The following PCDHGB1 variants were observed in gnomAD, a reference collection of about 807,000 sequenced individuals.
PCDHGB1 encodes the protein protocadherin gamma-B1.
A neutral mutation model predicts 56.6 loss-of-function variants in PCDHGB1; 34 were observed. The ratio of observed to expected loss-of-function variants is 0.60; its 90% confidence interval spans 0.46 to 0.80. The LOEUF (loss-of-function observed/expected upper bound fraction) is 0.80. Ranked by LOEUF, PCDHGB1 falls within the 30% of genes least tolerant of loss-of-function variation. The probability of loss-of-function intolerance (pLI) is 0.00; values close to 1 mark genes in which losing one functional copy is unlikely to be tolerated. For synonymous variants in PCDHGB1, 561 were observed against 505.9 expected (o/e 1.11, Z -1.46); for missense variants, 1,278 against 1,204.6 (o/e 1.06, Z -0.90).
rs760070878 is a variant in PCDHGB1, at chr5:141,490,862, C to T, written c.2410-3945C>T. On this transcript the variant is annotated intron_variant, in intron 1 of 3. Coordinates refer to ENST00000523390, the MANE Select transcript of PCDHGB1 (RefSeq NM_018922.3). This position sits in a 1 kb window ranked among gnomAD's most constrained non-coding sequence, Gnocchi z 5.4. ...GTGGTGGGGGTTCGAGACTCCGGCTCTCCCCCATTGCATGCCAACACATCT... is the reference window on the plus strand; with the variant it reads ...GTGGTGGGGGTTCGAGACTCCGGCTTTCCCCCATTGCATGCCAACACATCT... 2.0e-5 allele frequency: 33 copies of T among 1,613,878 alleles called. No individual in the cohort carries two copies. Among genetic ancestry groups the T allele is most frequent in the Non-Finnish European group, 2.8e-5 (33 of 1,179,920 alleles).
intron 1 of PCDHGB1, chr5:141,374,176 C>A: frequency 6.2e-7 from 1 of 1,613,572 alleles, no homozygotes. Context: ...CAGCGCAGAT[C>A]CGCTACTCTA....
At position 141,413,788 on chromosome 5, in the gene PCDHGB1, G is replaced by A. The variant is rs2095678300; in HGVS notation, c.2409+61119G>A. The A allele has an allele frequency of 2.1e-5, 34 of 1,613,166 alleles. No individual in the cohort carries two copies. Among genetic ancestry groups the A allele is most frequent in the Non-Finnish European group, 2.8e-5 (33 of 1,179,876 alleles). ...GGAGCTGGTACTGGAGCACTCCCTA[G>A]ATCGCGAGGAAGAGGCCATTCACCA... is the stretch of plus-strand genomic sequence containing the variant. On this transcript the variant is annotated intron_variant, in intron 1 of 3. Coordinates refer to ENST00000523390, the MANE Select transcript of PCDHGB1 (RefSeq NM_018922.3).
At chr5:141,420,284 TA>T in intron 1 of PCDHGB1, 2 of 1,505,934 alleles carry the variant, frequency 1.3e-6, no homozygotes, top group East Asian at 2.3e-5. Context: ...GGTAAGTATT[TA>T]AAAATGTATT....
At chr5:141,504,206 A>G (rs1209911822) in intron 2 of PCDHGB1, among the ~76,000 whole-genome samples, 1 of 152,218 alleles carries the variant, frequency 6.6e-6, no homozygotes, top group African/African-American at 2.4e-5. Flanking sequence ...CTGTGGGAAA[A>G]TTCCAAGTAG....
chr5:141,450,903 C>T (rs1468232105), intron 1 of PCDHGB1, among the ~76,000 whole-genome samples: 3 of 151,086 alleles, frequency 2.0e-5, no homozygotes, highest in African/African-American at 7.3e-5. Context: ...CGGCTCACTG[C>T]AACCGCTGCC....
intron 1 of PCDHGB1, chr5:141,468,556 GAT>G (rs754546771): frequency 6.6e-6 from 1 of 151,930 alleles, no homozygotes; most frequent in Non-Finnish European, 1.5e-5. Flanking sequence ...TAACATTTGT[GAT>G]ATAGTAAACA....
intron 1 of PCDHGB1, chr5:141,398,960 C>A (rs779158655): frequency 3.1e-6 from 5 of 1,613,986 alleles, no homozygotes. Flanking sequence ...TCAGAAATTA[C>A]TTATTCCTTC....
intron 2 of PCDHGB1, among the ~76,000 whole-genome samples, chr5:141,502,866 C>CTCTTTTTT (rs1554188502): frequency 2.3e-5 from 3 of 128,046 alleles, no homozygotes; most frequent in Non-Finnish European, 3.2e-5. Flanking sequence ...GACTCTCTGT[C>CTCTTTTTT]TTTTTTTTTT....
rs761590469 is a variant in PCDHGB1, at chr5:141,364,617, G to A, written c.2409+11948G>A. 3.1e-6 allele frequency: 5 copies of A among 1,614,158 alleles called. No individual in the cohort carries two copies. The Admixed American group carries it at 8.3e-5, about 27-fold the overall frequency. The stretch of plus-strand genomic sequence containing the variant: ...GGCAGGATAGACCGGGAGGAGCTCT[G>A]CGCTCAGAGCCCACTGTGTGTGGTG... On this transcript the variant is annotated intron_variant, in intron 1 of 3. Coordinates refer to ENST00000523390, the MANE Select transcript of PCDHGB1 (RefSeq NM_018922.3).
Position 141,350,458 on chromosome 5 carries a change from T to TAG in PCDHGB1, c.199_200dup (p.Ser67ArgfsTer17). The TAG allele has an allele frequency of 1.9e-6, 3 of 1,613,374 alleles. No homozygotes were observed. Among genetic ancestry groups the TAG allele is most frequent in the Non-Finnish European group, 2.5e-6 (3 of 1,179,340 alleles). On this transcript the variant is annotated frameshift_variant, in exon 1 of 4. Transcript: ENST00000523390. LOFTEE classifies it high-confidence loss of function. ...AGTTGCCAACTCGAAAACTGCGGGTTAGTGCAGAGGATTATTTCAACGTTA... is the reference window on the plus strand; with the variant it reads ...AGTTGCCAACTCGAAAACTGCGGGTTAGAGTGCAGAGGATTATTTCAACGTTA...
At chr5:141,371,238 A>G in intron 1 of PCDHGB1, 1 of 1,614,058 alleles carries the variant, frequency 6.2e-7, no homozygotes, top group Non-Finnish European at 8.5e-7. Flanking sequence ...CTATGCCTTC[A>G]TCAATATTGG....
chr5:141,408,043 A>G, intron 1 of PCDHGB1: 1 of 1,220,238 alleles, frequency 8.2e-7, no homozygotes, highest in Non-Finnish European at 1.1e-6. Context: ...ACCAGCTCCC[A>G]CACAGAGCCT....
chr5:141,366,544 G>A (rs368873957), intron 1 of PCDHGB1: 4 of 1,614,230 alleles, frequency 2.5e-6, no homozygotes, highest in Admixed American at 1.7e-5. Flanking sequence ...TGCCCGCCTC[G>A]CACTTTGTGG....
rs1442570663 is a variant in PCDHGB1, at chr5:141,438,613, TATATATATATATATATATATATACACAC to T, written c.2410-56192_2410-56165del. On this transcript the variant is annotated intron_variant, in intron 1 of 3. Transcript: ENST00000523390. Reference sequence around the variant, plus strand: ...ATACATATATATATATATATATATATATATATATATATATATATATATACACACACACACACACATATATGTATATATA... The same window carrying T: ...ATACATATATATATATATATATATATACACACACACATATATGTATATATA... Among the ~76,000 whole-genome samples, 243 of 36,492 alleles carry T rather than the reference TATATATATATATATATATATATACACAC, an allele frequency of 6.7e-3. 7 individuals are homozygous for T. The highest frequency in any genetic ancestry group is 0.033 in the East Asian group (37 of 1,124). The allele number at this position is 36,492 out of a possible 152,430, so 23.9% of individuals were successfully genotyped here.
intron 1 of PCDHGB1, chr5:141,354,950 C>A: frequency 2.3e-6 from 1 of 428,008 alleles, no homozygotes; most frequent in East Asian, 3.5e-5. Flanking sequence ...GAATAAATTG[C>A]AGTAACAGGT....
chr5:141,422,877 C>A, intron 1 of PCDHGB1: 1 of 1,614,246 alleles, frequency 6.2e-7, no homozygotes. Context: ...TGTCGCTGAG[C>A]CTGTTCGTGC....
chr5:141,412,664 A>G (rs959517920), intron 1 of PCDHGB1: 10 of 152,288 alleles, frequency 6.6e-5, no homozygotes, highest in African/African-American at 2.4e-4. Flanking sequence ...AGACACTAAT[A>G]TGACCTAAAA....
In PCDHGB1 at chr5:141,431,202, C is replaced by T. The variant is rs2097350864; in HGVS notation, c.2410-63605C>T. The stretch of plus-strand genomic sequence containing the variant: ...ATAAAAATTAGTGAAAATGCAGCCA[C>T]TGAGATGCGGTTCCCTCTACCCCAC... On this transcript the variant is annotated intron_variant, in intron 1 of 3. Coordinates refer to ENST00000523390, the MANE Select transcript of PCDHGB1 (RefSeq NM_018922.3). The surrounding 1 kb of genome is among the most constrained non-coding windows in gnomAD (Gnocchi z 4.8). 6.2e-7 allele frequency: 1 copy of T among 1,614,204 alleles called. No individual in the cohort carries two copies. Among genetic ancestry groups the T allele is most frequent in the Non-Finnish European group, 8.5e-7 (1 of 1,180,052 alleles).
At chr5:141,422,446 A>G in intron 1 of PCDHGB1, 1 of 1,610,700 alleles carries the variant, frequency 6.2e-7, no homozygotes, top group South Asian at 1.1e-5. Context: ...CAAATTGATA[A>G]CAAGCAGAGT....
Sources: allele counts gnomAD v4.1 joint callset (sites outside exome capture counted in the v4.1 genomes callset), GRCh38; gene constraint gnomAD v4.1.1; non-coding constraint Gnocchi (gnomAD v3.1); transcripts MANE v1.5; gene names NCBI Gene and HGNC (gene_info 2026-07-23, HGNC 2026-07-21).